FAH: variants seen among roughly 807,000 people sequenced by gnomAD.
FAH encodes fumarylacetoacetate hydrolase.
In FAH, 47 loss-of-function variants were observed where a neutral mutation model predicts 55.8. The ratio of observed to expected loss-of-function variants is 0.84; its 90% confidence interval spans 0.67 to 1.07. The LOEUF (loss-of-function observed/expected upper bound fraction) is 1.07. Ranked by LOEUF, FAH falls within the 50% of genes least tolerant of loss-of-function variation. The pLI is 0.00. For synonymous variants in FAH, 199 were observed against 207.7 expected (o/e 0.96, Z 0.36); for missense variants, 495 against 545.9 (o/e 0.91, Z 0.93).
intron 13 of FAH, among the ~76,000 whole-genome samples, chr15:80,185,315 C>T (rs917789643): frequency 6.6e-6 from 1 of 152,194 alleles, no homozygotes; most frequent in African/African-American, 2.4e-5. Context: ...ATCATCCTTG[C>T]AGCAGTCCTG....
intron 4 of FAH, 51 bp from the exon 5 acceptor site, chr15:80,162,195 T>C (rs764457889): frequency 7.1e-7 from 1 of 1,408,390 alleles, no homozygotes; most frequent in Non-Finnish European, 1.0e-6. Flanking sequence ...AGTCCATTCT[T>C]CCTGAGGCAT....
intron 5 of FAH, chr15:80,165,948 A>T (rs2041188310): frequency 6.6e-6 from 1 of 152,196 alleles, no homozygotes; most frequent in Non-Finnish European, 1.5e-5. Context: ...AAAATAATTT[A>T]TCAAACATTT....
chr15:80,178,337 C>G (rs2142106171), intron 11 of FAH, among the ~76,000 whole-genome samples: 1 of 152,350 alleles, frequency 6.6e-6, no homozygotes, highest in Admixed American at 6.5e-5. Context: ...GTGGGGCCCT[C>G]CAGGTCACTT....
At chr15:80,160,081 C>A in intron 3 of FAH, 1 of 732,914 alleles carries the variant, frequency 1.4e-6, no homozygotes, top group Non-Finnish European at 2.2e-6. Context: ...TGGAATGGAG[C>A]TGCCCAAGCT....
At chr15:80,160,359 A>G (rs753563814) in intron 3 of FAH, 51 bp from the exon 4 acceptor site, 22 of 1,585,324 alleles carry the variant, frequency 1.4e-5, no homozygotes, top group Non-Finnish European at 1.9e-5. Context: ...CGTGGGTGGG[A>G]CCGCGCTTTG....
At chr15:80,171,642 T>G (rs567580553) in intron 7 of FAH, among the ~76,000 whole-genome samples, 12 of 152,186 alleles carry the variant, frequency 7.9e-5, no homozygotes, top group Admixed American at 7.2e-4. Context: ...GTTTATTTTT[T>G]GTAGAGGTGG....
chr15:80,154,620 A>G (rs2041082681), intron 1 of FAH, among the ~76,000 whole-genome samples: 1 of 152,210 alleles, frequency 6.6e-6, no homozygotes, highest in Non-Finnish European at 1.5e-5. Context: ...AGGCAAGACT[A>G]GTTGCCAAGG....
chr15:80,170,733 C>A (rs2041233751), intron 7 of FAH, among the ~76,000 whole-genome samples: 1 of 152,108 alleles, frequency 6.6e-6, no homozygotes, highest in Non-Finnish European at 1.5e-5. Context: ...GGCAGAGAGC[C>A]CAGGTCACCT....
chr15:80,154,729 C>T (rs930893903), intron 1 of FAH, among the ~76,000 whole-genome samples: 3 of 152,130 alleles, frequency 2.0e-5, no homozygotes, highest in African/African-American at 4.8e-5. Flanking sequence ...TTTTATTCAG[C>T]GAATGCTTAT....
chr15:80,158,826 A>G (rs969342982), intron 2 of FAH, among the ~76,000 whole-genome samples: 2 of 152,148 alleles, frequency 1.3e-5, no homozygotes, highest in Admixed American at 1.3e-4. Context: ...AACTTCTGGA[A>G]TGAGACATGG....
At chr15:80,154,514 G>T (rs558476916) in intron 1 of FAH, among the ~76,000 whole-genome samples, 2 of 152,236 alleles carry the variant, frequency 1.3e-5, no homozygotes, top group Non-Finnish European at 1.5e-5. Context: ...AGTGCTGGGG[G>T]TGGAGAGTTG....
At chr15:80,172,531 G>C (rs774713193) in intron 8 of FAH, among the ~76,000 whole-genome samples, 2 of 152,072 alleles carry the variant, frequency 1.3e-5, no homozygotes, top group Admixed American at 6.5e-5. Flanking sequence ...AACACCCTTC[G>C]TATATTCTCC....
chr15:80,155,792 G>C (rs1348581888), intron 1 of FAH, among the ~76,000 whole-genome samples: 1 of 152,070 alleles, frequency 6.6e-6, no homozygotes, highest in African/African-American at 2.4e-5. Context: ...ATGGGACGGG[G>C]GCTCTTCCCT....
rs959533704 is a variant in FAH, at chr15:80,168,080, C to T, written c.484C>T (p.Arg162Cys). 3.7e-5 allele frequency: 60 copies of T among 1,614,002 alleles called. No homozygotes were observed. The highest frequency in any genetic ancestry group is 4.6e-5 in the Non-Finnish European group (54 of 1,180,028). The change falls in exon 6 of 14, where the codon CGT (arginine) becomes TGT (cysteine). Residue 162 changes from arginine to cysteine, a missense_variant. Coordinates refer to ENST00000561421, the MANE Select transcript of FAH (RefSeq NM_000137.4). ...WLHLPVGYHG[R>C]ASSVVVSGTP... The stretch of plus-strand genomic sequence containing the variant: ...GCACTTACCAGTGGGCTACCATGGC[C>T]GTGCCTCCTCTGTCGTGGTGTCTGG...
At chr15:80,159,223 A>G (rs913878072) in intron 2 of FAH, among the ~76,000 whole-genome samples, 2 of 95,358 alleles carry the variant, frequency 2.1e-5, no homozygotes, top group African/African-American at 8.0e-5. Flanking sequence ...GGGTGACAGA[A>G]TGGGAAAAAA....
chr15:80,171,670 C>T (rs2041241725), intron 7 of FAH, among the ~76,000 whole-genome samples: 1 of 152,116 alleles, frequency 6.6e-6, no homozygotes, highest in Non-Finnish European at 1.5e-5. Context: ...CTATGTTGCT[C>T]AGGCTTGTCT....
chr15:80,170,757 T>C (rs912906653), intron 7 of FAH, among the ~76,000 whole-genome samples: 1 of 152,254 alleles, frequency 6.6e-6, no homozygotes, highest in African/African-American at 2.4e-5. Flanking sequence ...CTAGTGCTTT[T>C]GGGTTCTTTT....
intron 11 of FAH, 128 bp from the exon 12 acceptor site, chr15:80,179,995 TG>T: frequency 2.8e-6 from 2 of 721,132 alleles, no homozygotes. Flanking sequence ...GAGAGCTGGC[TG>T]GGGGAGCTGG....
chr15:80,179,950 A>C (rs1255732122), intron 11 of FAH, among the ~76,000 whole-genome samples, 174 bp from the exon 12 acceptor site: 2 of 152,102 alleles, frequency 1.3e-5, no homozygotes, highest in African/African-American at 4.8e-5. Flanking sequence ...GCAGCTCCCC[A>C]GGAGGACAAT....
Sources: gnomAD v4.1 joint callset for allele counts (sites outside exome capture counted in the v4.1 genomes callset) on GRCh38, gnomAD v4.1.1 for gene constraint, MANE v1.5 for transcripts, NCBI Gene and HGNC (gene_info 2026-07-23, HGNC 2026-07-21) for gene names.